Variants in DNAAF5 observed in about 807,000 individuals in gnomAD.
DNAAF5 encodes dynein axonemal assembly factor 5, also known as HEAT repeat containing 2.
Under a neutral mutation model 75.8 loss-of-function variants are expected in DNAAF5, and 64 were observed. That is an observed-to-expected ratio of 0.84 (90% CI 0.69 to 1.04). The LOEUF (loss-of-function observed/expected upper bound fraction) is 1.04, where lower values mean the gene tolerates loss of function less well. Ranked by LOEUF, DNAAF5 falls within the 50% of genes least tolerant of loss-of-function variation. The probability of loss-of-function intolerance (pLI) is 0.00; values close to 1 mark genes in which losing one functional copy is unlikely to be tolerated. For synonymous variants in DNAAF5, 657 were observed against 557.2 expected (o/e 1.18, Z -2.52); for missense variants, 1,269 against 1,178.5 (o/e 1.08, Z -1.12).
chr7:757,520 T>G (rs1389938947), intron 6 of DNAAF5, among the ~76,000 whole-genome samples: 1 of 152,260 alleles, frequency 6.6e-6, no homozygotes, highest in Non-Finnish European at 1.5e-5. Flanking sequence ...CAGCCCTGCC[T>G]GGCGTTCCGA....
intron 2 of DNAAF5, among the ~76,000 whole-genome samples, chr7:733,563 C>A (rs1781648678): frequency 6.6e-6 from 1 of 152,274 alleles, no homozygotes; most frequent in Admixed American, 6.5e-5. Context: ...GTGGTGCGAT[C>A]TCTGCTTACT....
chr7:758,669 T>G (rs1232494876), intron 6 of DNAAF5, among the ~76,000 whole-genome samples: 1 of 152,154 alleles, frequency 6.6e-6, no homozygotes, highest in Non-Finnish European at 1.5e-5. Context: ...CTGGGTAATT[T>G]TTTTTTATTT....
intron 2 of DNAAF5, among the ~76,000 whole-genome samples, chr7:730,194 G>A (rs1296809781): frequency 1.3e-5 from 2 of 152,166 alleles, no homozygotes; most frequent in African/African-American, 4.8e-5. Context: ...TGGTGGACCT[G>A]GACTGGGAGA....
At chr7:734,802 C>CAT (rs1321717440) in intron 2 of DNAAF5, among the ~76,000 whole-genome samples, 1 of 152,150 alleles carries the variant, frequency 6.6e-6, no homozygotes, top group East Asian at 1.9e-4. Context: ...CTGTGTAGGT[C>CAT]ATATGTGTCT....
chr7:727,030 C>T lies in DNAAF5; in HGVS notation c.310C>T (p.Leu104=), dbSNP rs1781334879. The T allele has an allele frequency of 8.7e-7, 1 of 1,143,742 alleles. No individual in the cohort carries two copies. The highest frequency in any genetic ancestry group is 1.1e-6 in the Non-Finnish European group (1 of 932,304). 70.8% of individuals were successfully genotyped at this position (1,143,742 alleles called of 1,614,324 possible). Residue 104 remains leucine (L), a synonymous_variant, in exon 1 of 13, where the codon CTG becomes TTG. Transcript: ENST00000297440. ...GGCAGTGCACCTGCTGGATCTGGGCCTGCGCCGCGCCGCGCGGCCCCGCGA... is the reference window on the plus strand; with the variant it reads ...GGCAGTGCACCTGCTGGATCTGGGCTTGCGCCGCGCCGCGCGGCCCCGCGA... The part of the protein sequence containing the change: ...ALAVHLLDLG[L]RRAARPRDAL...
At chr7:742,821 C>T (rs77309181) in intron 4 of DNAAF5, among the ~76,000 whole-genome samples, 2 of 139,614 alleles carry the variant, frequency 1.4e-5, no homozygotes, top group Non-Finnish European at 3.1e-5. Flanking sequence ...TCACATGCCC[C>T]GCTCAAATCA....
intron 12 of DNAAF5, among the ~76,000 whole-genome samples, chr7:782,279 G>C (rs546880240): frequency 8.7e-5 from 13 of 149,060 alleles, no homozygotes; most frequent in Non-Finnish European, 3.0e-5. Flanking sequence ...CCCGACACGC[G>C]GCATCAGAAA....
intron 12 of DNAAF5, among the ~76,000 whole-genome samples, chr7:784,745 G>A (rs958830938): frequency 6.6e-5 from 10 of 152,168 alleles, no homozygotes; most frequent in Admixed American, 2.0e-4. Flanking sequence ...ATTGGCATCC[G>A]CAAATTGGAT....
intron 2 of DNAAF5, among the ~76,000 whole-genome samples, chr7:739,827 G>T (rs574537709): frequency 2.0e-5 from 3 of 152,174 alleles, no homozygotes; most frequent in Admixed American, 6.5e-5. Flanking sequence ...TGTTGGAGCC[G>T]GGGCGGAGCA....
At chr7:766,845 G>A (rs1039800505) in intron 8 of DNAAF5, among the ~76,000 whole-genome samples, 1 of 151,678 alleles carries the variant, frequency 6.6e-6, no homozygotes, top group African/African-American at 2.4e-5. Flanking sequence ...AAACAAACAG[G>A]CAAAATATCC....
At chr7:770,413 T>A (rs1778514861) in intron 8 of DNAAF5, 58 bp from the exon 9 acceptor site, 24 of 1,551,870 alleles carry the variant, frequency 1.5e-5, no homozygotes, top group Non-Finnish European at 2.0e-5. Flanking sequence ...CTGTGCTGGA[T>A]GGGGCCTCCT....
intron 6 of DNAAF5, among the ~76,000 whole-genome samples, chr7:759,034 C>T (rs1233449303): frequency 6.6e-6 from 1 of 152,102 alleles, no homozygotes; most frequent in Non-Finnish European, 1.5e-5. Flanking sequence ...GGTGAAGGTA[C>T]TCAGGTCTCA....
At chr7:768,928 G>C (rs1055575937) in intron 8 of DNAAF5, 6 of 551,994 alleles carry the variant, frequency 1.1e-5, no homozygotes, top group Non-Finnish European at 2.0e-5. Context: ...TGGCAGGGCG[G>C]CACTTGGCCC....
At chr7:740,732 T>A (rs916068786) in intron 2 of DNAAF5, 87 bp from the exon 3 acceptor site, 1 of 1,555,570 alleles carries the variant, frequency 6.4e-7, no homozygotes, top group African/African-American at 1.3e-5. Context: ...GCAGCGTCCG[T>A]ATGGCAGCAC....
At chr7:782,788 A>C (rs1207592491) in intron 12 of DNAAF5, among the ~76,000 whole-genome samples, 1 of 146,000 alleles carries the variant, frequency 6.8e-6, no homozygotes, top group Non-Finnish European at 1.5e-5. Flanking sequence ...GCCTCCCGTC[A>C]CGCAGCGTCA....
In DNAAF5 at chr7:740,830, G is replaced by A. The variant is rs113952995; in HGVS notation, c.792G>A (p.Ala264=). 7.6e-5 allele frequency: 123 copies of A among 1,613,852 alleles called. 1 individual carries two copies. In the African/African-American group the frequency reaches 9.9e-4, roughly 13 times the overall value. ...CCTCTCATGCGCAGGTCCGGCGGGCGGTGGCCTCCGTGGTGGGCGGCTGGC... is the reference window on the plus strand; with the variant it reads ...CCTCTCATGCGCAGGTCCGGCGGGCAGTGGCCTCCGTGGTGGGCGGCTGGC... ...LFDDVPQVRR[A]VASVVGGWLL... is the part of the protein sequence containing the mutation. Residue 264 remains alanine (A), a synonymous_variant, in exon 3 of 13, where the codon GCG becomes GCA. Coordinates refer to ENST00000297440, the MANE Select transcript of DNAAF5 (RefSeq NM_017802.4).
In DNAAF5 at chr7:754,668, C is replaced by G. The variant is rs1782426084; in HGVS notation, c.1104C>G (p.Ile368Met). The change falls in exon 5 of 13, where the codon ATC becomes ATG. Residue 368 changes from isoleucine (I) to methionine (M), a missense_variant. By Grantham distance (10) the Ile-to-Met change is conservative. Coordinates refer to ENST00000297440, the MANE Select transcript of DNAAF5 (RefSeq NM_017802.4). This position sits in a 1 kb window ranked among gnomAD's most constrained non-coding sequence, Gnocchi z 4.8. ...SKILPALCHD[I>M]TDWVVGTRVK... ...TCCTCCCTGCCCTGTGCCACGACAT[C>G]ACCGACTGGGTGGTGGGGACCCGAG... 6.2e-7 allele frequency: 1 copy of G among 1,614,032 alleles called. No individual in the cohort carries two copies. Among genetic ancestry groups the G allele is most frequent in the South Asian group, 1.1e-5 (1 of 91,090 alleles).
In DNAAF5 at chr7:756,990, A is replaced by T; in HGVS notation, c.1466A>T (p.Glu489Val). ...LAQAHICQAS[E>V]NDLYLERLLL... ...CAGGCCCACATCTGCCAGGCATCTGAAAACGTAAGAGCACTTGGGAGATGC... is the reference window on the plus strand; with the variant it reads ...CAGGCCCACATCTGCCAGGCATCTGTAAACGTAAGAGCACTTGGGAGATGC... The change falls in exon 6 of 13, where the codon GAA becomes GTA. Residue 489 changes from glutamate (E) to valine (V), a missense_variant. Transcript: ENST00000297440. 1 of 1,602,248 alleles carries T rather than the reference A, an allele frequency of 6.2e-7. No individual in the cohort carries two copies. The highest frequency in any genetic ancestry group is 8.5e-7 in the Non-Finnish European group (1 of 1,179,590).
chr7:745,581 A>G (rs1248694047), intron 4 of DNAAF5, among the ~76,000 whole-genome samples: 2 of 152,082 alleles, frequency 1.3e-5, no homozygotes, highest in African/African-American at 4.8e-5. Flanking sequence ...GCACACCCAT[A>G]TACACATCTG....
Sources: gnomAD v4.1 joint callset for allele counts (sites outside exome capture counted in the v4.1 genomes callset) on GRCh38, gnomAD v4.1.1 for gene constraint, Gnocchi (gnomAD v3.1) non-coding constraint, MANE v1.5 for transcripts, NCBI Gene and HGNC (gene_info 2026-07-23, HGNC 2026-07-21) for gene names.